Variants in SLC35F4 observed in about 807,000 individuals in gnomAD.
SLC35F4 encodes solute carrier family 35 member F4, also known as chromosome 14 open reading frame 36.
Under a neutral mutation model 44.2 loss-of-function variants are expected in SLC35F4, and 24 were observed. The ratio of observed to expected loss-of-function variants is 0.54; its 90% confidence interval spans 0.39 to 0.76. The LOEUF (loss-of-function observed/expected upper bound fraction) is 0.76. SLC35F4 is among the 30% of genes least tolerant of loss of function. The probability of loss-of-function intolerance (pLI) is 0.00; values close to 1 mark genes in which losing one functional copy is unlikely to be tolerated. For synonymous variants in SLC35F4, 238 were observed against 223.6 expected (o/e 1.06, Z -0.57); for missense variants, 562 against 586.1 (o/e 0.96, Z 0.42).
At chr14:57,734,359 G>A (rs1242676125) in intron 1 of SLC35F4, among the ~76,000 whole-genome samples, 1 of 152,162 alleles carries the variant, frequency 6.6e-6, no homozygotes, top group Non-Finnish European at 1.5e-5. Flanking sequence ...ATATCTCTTT[G>A]TTTAATCTCC....
intron 6 of SLC35F4, among the ~76,000 whole-genome samples, chr14:57,569,297 T>A (rs1163407635): frequency 6.6e-6 from 1 of 152,100 alleles, no homozygotes; most frequent in Non-Finnish European, 1.5e-5. Flanking sequence ...TCCAAACACC[T>A]CAAAATGGCT....
chr14:57,793,250 A>AT (rs1042346175), intron 1 of SLC35F4, among the ~76,000 whole-genome samples: 43 of 148,796 alleles, frequency 2.9e-4, no homozygotes, highest in South Asian at 4.3e-4. Context: ...AAAAACTTTT[A>AT]TTTTTTTTTT....
intron 1 of SLC35F4, among the ~76,000 whole-genome samples, chr14:57,917,212 C>T (rs1370625630): frequency 6.6e-6 from 1 of 152,028 alleles, no homozygotes; most frequent in Non-Finnish European, 1.5e-5. Context: ...AGGTGCACAC[C>T]ACCACTCCCC....
chr14:57,716,851 C>T (rs2075958862), intron 1 of SLC35F4, among the ~76,000 whole-genome samples: 1 of 152,144 alleles, frequency 6.6e-6, no homozygotes, highest in African/African-American at 2.4e-5. Context: ...AAATTTCTTT[C>T]TGTTAACCCA....
chr14:57,577,876 C>A (rs1204975111), intron 4 of SLC35F4, among the ~76,000 whole-genome samples: 1 of 152,088 alleles, frequency 6.6e-6, no homozygotes, highest in African/African-American at 2.4e-5. Flanking sequence ...TAGCTGCAAG[C>A]AATTTGCTCA....
intron 1 of SLC35F4, among the ~76,000 whole-genome samples, chr14:57,890,173 A>G (rs1888731180): frequency 6.6e-6 from 1 of 152,172 alleles, no homozygotes; most frequent in Non-Finnish European, 1.5e-5. Context: ...TGAGAACAAC[A>G]TGCTTTGGGT....
chr14:57,600,711 A>AAAAC (rs2070772819), intron 1 of SLC35F4, among the ~76,000 whole-genome samples: 1 of 148,710 alleles, frequency 6.7e-6, no homozygotes, highest in East Asian at 1.9e-4. Context: ...AAAAAAAAAA[A>AAAAC]AAAAAAAACC....
intron 1 of SLC35F4, among the ~76,000 whole-genome samples, chr14:57,600,668 G>A (rs1443683218): frequency 9.1e-6 from 1 of 110,274 alleles, no homozygotes; most frequent in African/African-American, 3.5e-5. Flanking sequence ...CTCCAGCCTG[G>A]GCGACAGAGC....
intron 1 of SLC35F4, among the ~76,000 whole-genome samples, chr14:57,639,304 A>T (rs1380058297): frequency 6.6e-6 from 1 of 152,054 alleles, no homozygotes; most frequent in African/African-American, 2.4e-5. Context: ...AAGATATACC[A>T]CTTCTCATCC....
At chr14:57,688,700 A>G (rs1489084445) in intron 1 of SLC35F4, among the ~76,000 whole-genome samples, 2 of 152,204 alleles carry the variant, frequency 1.3e-5, no homozygotes, top group African/African-American at 2.4e-5. Context: ...AGATGTAACC[A>G]GTGGTCTACT....
intron 1 of SLC35F4, among the ~76,000 whole-genome samples, chr14:57,690,703 T>G (rs549615157): frequency 2.2e-4 from 33 of 151,248 alleles, no homozygotes; most frequent in Non-Finnish European, 3.7e-4. Context: ...AACTAGATGG[T>G]CCCATCTGGG....
At chr14:57,652,470 GT>G (rs1445371698) in intron 1 of SLC35F4, among the ~76,000 whole-genome samples, 1 of 152,112 alleles carries the variant, frequency 6.6e-6, no homozygotes, top group Non-Finnish European at 1.5e-5. Context: ...CAGATCAGTG[GT>G]TCTGAACGAG....
intron 1 of SLC35F4, among the ~76,000 whole-genome samples, chr14:57,698,318 G>A (rs996051143): frequency 3.3e-5 from 5 of 152,104 alleles, no homozygotes; most frequent in African/African-American, 9.7e-5. Flanking sequence ...GCACACTTAC[G>A]ATTATATTCT....
intron 1 of SLC35F4, among the ~76,000 whole-genome samples, chr14:57,726,479 T>C (rs1473735597): frequency 6.6e-6 from 1 of 152,248 alleles, no homozygotes; most frequent in African/African-American, 2.4e-5. Context: ...TGTGCATATA[T>C]ACACTTGTAC....
chr14:57,797,152 A>G (rs1201223370), intron 1 of SLC35F4, among the ~76,000 whole-genome samples: 2 of 152,170 alleles, frequency 1.3e-5, no homozygotes, highest in Non-Finnish European at 2.9e-5. Context: ...ACCCTCAGTA[A>G]CCTTGACATT....
At chr14:57,815,189 G>A (rs1015588549) in intron 1 of SLC35F4, among the ~76,000 whole-genome samples, 34 of 151,852 alleles carry the variant, frequency 2.2e-4, no homozygotes, top group Admixed American at 2.0e-3. Flanking sequence ...CAAAAGTCAC[G>A]GATACCAACA....
intron 1 of SLC35F4, among the ~76,000 whole-genome samples, chr14:57,607,695 TAGA>T (rs2140021821): frequency 6.6e-6 from 1 of 152,342 alleles, no homozygotes; most frequent in Non-Finnish European, 1.5e-5. Context: ...TTTGAGTTTT[TAGA>T]AGATCACTGT....
intron 1 of SLC35F4, among the ~76,000 whole-genome samples, chr14:57,695,276 C>CA (rs1227065390): frequency 6.6e-6 from 1 of 151,954 alleles, no homozygotes; most frequent in Non-Finnish European, 1.5e-5. Flanking sequence ...ACTCATCTGA[C>CA]AAACGGCTAA....
chr14:57,681,119 C>A (rs1318042568), intron 1 of SLC35F4, among the ~76,000 whole-genome samples: 1 of 152,094 alleles, frequency 6.6e-6, no homozygotes, highest in African/African-American at 2.4e-5. Context: ...TGACTTCAAA[C>A]TATTCTATAA....
Sources: allele counts gnomAD v4.1 joint callset (sites outside exome capture counted in the v4.1 genomes callset), GRCh38; gene constraint gnomAD v4.1.1; transcripts MANE v1.5; gene names NCBI Gene and HGNC (gene_info 2026-07-23, HGNC 2026-07-21).